SLC24A2: variants seen among roughly 807,000 people sequenced by gnomAD.
SLC24A2 encodes solute carrier family 24 member 2.
In SLC24A2, 36 loss-of-function variants were observed where a neutral mutation model predicts 62.0. That is an observed-to-expected ratio of 0.58 (90% CI 0.44 to 0.77). The LOEUF (loss-of-function observed/expected upper bound fraction) is 0.77, where lower values mean the gene tolerates loss of function less well. SLC24A2 is among the 30% of genes least tolerant of loss of function. The pLI is 0.00. For synonymous variants in SLC24A2, 358 were observed against 294.0 expected, an observed-to-expected ratio of 1.22 and a Z score of -2.23; for missense variants, 846 against 817.9, an observed-to-expected ratio of 1.03 and a Z score of -0.42.
chr9:19,930,131 G>A, the SLC24A2 span, among the ~76,000 whole-genome samples: 1 of 152,086 alleles, frequency 6.6e-6, no homozygotes, highest in African/African-American at 2.4e-5. Flanking sequence ...ATTTTACAGT[G>A]TTTATAAAGT....
intron 2 of SLC24A2, among the ~76,000 whole-genome samples, chr9:19,730,197 T>C (rs1424926032): frequency 3.3e-5 from 5 of 152,190 alleles, no homozygotes; most frequent in Non-Finnish European, 7.3e-5. Flanking sequence ...CAATATTTCA[T>C]TGCCTTTAAT....
At chr9:19,948,852 A>G in the SLC24A2 span, among the ~76,000 whole-genome samples, 1 of 149,868 alleles carries the variant, frequency 6.7e-6, no homozygotes, top group Non-Finnish European at 1.5e-5. Context: ...CTCAAAAAAA[A>G]AAAAAAAAAA....
At chr9:20,286,471 A>G in the SLC24A2 span, among the ~76,000 whole-genome samples, 1 of 152,248 alleles carries the variant, frequency 6.6e-6, no homozygotes, top group East Asian at 1.9e-4. Flanking sequence ...AATAGTAAGG[A>G]TGATGAGCAA....
the SLC24A2 span, among the ~76,000 whole-genome samples, chr9:20,071,800 G>A: frequency 1.3e-5 from 2 of 152,062 alleles, no homozygotes; most frequent in African/African-American, 2.4e-5. Flanking sequence ...GCAAGTCTGG[G>A]CCTCCAGAAC....
the SLC24A2 span, among the ~76,000 whole-genome samples, chr9:20,252,933 G>A: frequency 6.6e-6 from 1 of 152,152 alleles, no homozygotes; most frequent in African/African-American, 2.4e-5. Flanking sequence ...TGTTGCCTCA[G>A]GCTTCTCTGA....
the SLC24A2 span, among the ~76,000 whole-genome samples, chr9:19,984,952 TA>T: frequency 3.3e-5 from 5 of 151,120 alleles, no homozygotes; most frequent in Non-Finnish European, 7.4e-5. Context: ...AAAACTGCTC[TA>T]AAAAATAAGT....
the SLC24A2 span, among the ~76,000 whole-genome samples, chr9:19,835,901 T>C: frequency 6.6e-6 from 1 of 152,188 alleles, no homozygotes; most frequent in Non-Finnish European, 1.5e-5. Context: ...GCAATCAAAC[T>C]AGAACTCAGG....
chr9:19,980,157 G>A, the SLC24A2 span, among the ~76,000 whole-genome samples: 8 of 152,282 alleles, frequency 5.3e-5, no homozygotes, highest in African/African-American at 1.7e-4. Context: ...GTTACATGGT[G>A]GAAAAGGAGA....
the SLC24A2 span, among the ~76,000 whole-genome samples, chr9:20,229,037 A>C: frequency 6.6e-6 from 1 of 152,162 alleles, no homozygotes; most frequent in African/African-American, 2.4e-5. Flanking sequence ...GAGGTGTGAC[A>C]TAACTGTGTT....
At chr9:20,077,136 G>C in the SLC24A2 span, among the ~76,000 whole-genome samples, 1 of 151,916 alleles carries the variant, frequency 6.6e-6, no homozygotes, top group Non-Finnish European at 1.5e-5. Context: ...CAGGGGCAGA[G>C]CGTGTGGTGA....
the SLC24A2 span, among the ~76,000 whole-genome samples, chr9:20,056,683 C>A: frequency 1.3e-5 from 2 of 152,152 alleles, no homozygotes; most frequent in Admixed American, 6.5e-5. Context: ...GCAACCAAAG[C>A]AAGGGCATAT....
chr9:19,570,292 C>G (rs555317993), intron 7 of SLC24A2, among the ~76,000 whole-genome samples: 1 of 152,314 alleles, frequency 6.6e-6, no homozygotes, highest in Admixed American at 6.5e-5. Context: ...AGGTTTTACA[C>G]CTTTGCACAT....
the SLC24A2 span, among the ~76,000 whole-genome samples, chr9:20,081,712 G>A: frequency 2.0e-5 from 3 of 152,232 alleles, no homozygotes; most frequent in East Asian, 5.8e-4. Context: ...TGTTCCCAGT[G>A]TCACTGTCAC....
chr9:19,527,248 T>A (rs1038531834), intron 9 of SLC24A2, among the ~76,000 whole-genome samples: 6 of 152,176 alleles, frequency 3.9e-5, no homozygotes, highest in African/African-American at 1.2e-4. Flanking sequence ...AGATTAAAAG[T>A]ATGATTTTTG....
the SLC24A2 span, among the ~76,000 whole-genome samples, chr9:20,042,026 G>C: frequency 1.3e-5 from 2 of 152,238 alleles, no homozygotes; most frequent in East Asian, 1.9e-4. Context: ...ACCTGTGGTG[G>C]GGAGCCTGTC....
At chr9:20,234,591 G>A in the SLC24A2 span, among the ~76,000 whole-genome samples, 1 of 152,152 alleles carries the variant, frequency 6.6e-6, no homozygotes, top group East Asian at 1.9e-4. Context: ...GTCCTCTAAG[G>A]ACTTCTCTGC....
At chr9:20,138,132 A>G in the SLC24A2 span, among the ~76,000 whole-genome samples, 4 of 152,178 alleles carry the variant, frequency 2.6e-5, no homozygotes, top group Admixed American at 2.0e-4. Flanking sequence ...TAACCTCTAT[A>G]CACTCTAATG....
At position 19,568,225 on chromosome 9, in the gene SLC24A2, A is replaced by G. The variant is rs373061130; in HGVS notation, c.1347+5126T>C. ...GATCATCCCGCGTTCACATTTTCCT[A>G]CTGACTCTGGAGGCCCAGCCCTAAT... On this transcript the variant is annotated intron_variant, in intron 7 of 10. Transcript: ENST00000341998. Among the ~76,000 whole-genome samples the G allele has an allele frequency of 7.9e-5, 12 of 152,326 alleles. No individual in the cohort carries two copies. The South Asian group carries it at 2.5e-3, about 32-fold the overall frequency.
At chr9:20,293,955 C>A in the SLC24A2 span, among the ~76,000 whole-genome samples, 1 of 152,140 alleles carries the variant, frequency 6.6e-6, no homozygotes, top group African/African-American at 2.4e-5. Context: ...TGAGCCTGGA[C>A]AATGAGGCCC....
Sources: allele counts gnomAD v4.1 joint callset (sites outside exome capture counted in the v4.1 genomes callset), GRCh38; gene constraint gnomAD v4.1.1; transcripts MANE v1.5; gene names NCBI Gene and HGNC (gene_info 2026-07-23, HGNC 2026-07-21).